SLC35F4: variants seen among roughly 807,000 people sequenced by gnomAD.
SLC35F4 encodes the protein solute carrier family 35 member F4, also known as chromosome 14 open reading frame 36.
Under a neutral mutation model 44.2 loss-of-function variants are expected in SLC35F4, and 24 were observed. The ratio of observed to expected loss-of-function variants is 0.54; its 90% CI spans 0.39 to 0.76. The LOEUF (loss-of-function observed/expected upper bound fraction) is 0.76. SLC35F4 is among the 30% of genes least tolerant of loss of function. The pLI is 0.00. For missense variants in SLC35F4, 562 were observed against 586.1 expected (o/e 0.96, Z 0.42); for synonymous variants, 238 against 223.6 (o/e 1.06, Z -0.57).
intron 1 of SLC35F4, among the ~76,000 whole-genome samples, chr14:57,790,810 G>A (rs900504212): frequency 5.3e-5 from 8 of 152,108 alleles, no homozygotes; most frequent in African/African-American, 1.4e-4. Context: ...GAACAGAACA[G>A]AGGCCTCAGA....
intron 1 of SLC35F4, among the ~76,000 whole-genome samples, chr14:57,665,222 T>C (rs1488904621): frequency 1.3e-5 from 2 of 151,920 alleles, no homozygotes; most frequent in Admixed American, 6.6e-5. Flanking sequence ...AAAAATATTA[T>C]ATTTCTTAAC....
chr14:57,778,188 C>A (rs1347002696), intron 1 of SLC35F4, among the ~76,000 whole-genome samples: 1 of 152,190 alleles, frequency 6.6e-6, no homozygotes, highest in African/African-American at 2.4e-5. Context: ...TGACTTGCTC[C>A]TCCTTGCCTT....
chr14:57,568,124 CT>C (rs973388889), intron 6 of SLC35F4, among the ~76,000 whole-genome samples: 10 of 152,246 alleles, frequency 6.6e-5, no homozygotes, highest in African/African-American at 2.4e-5. Flanking sequence ...CACAGCACAA[CT>C]TTGGCACAGT....
At chr14:57,676,331 C>T (rs113620060) in intron 1 of SLC35F4, among the ~76,000 whole-genome samples, 22,623 of 152,016 alleles carry the variant, frequency 0.15, 1,884 homozygotes, top group East Asian at 0.27. Flanking sequence ...AACACAGGAA[C>T]GGAAAACCAA....
intron 3 of SLC35F4, among the ~76,000 whole-genome samples, chr14:57,587,406 A>C (rs778205617): frequency 3.9e-5 from 6 of 152,258 alleles, no homozygotes; most frequent in Non-Finnish European, 7.3e-5. Flanking sequence ...GGATGAAGAA[A>C]ATGTGGCACA....
chr14:57,622,636 AG>A (rs2072248262), intron 1 of SLC35F4, among the ~76,000 whole-genome samples: 1 of 151,894 alleles, frequency 6.6e-6, no homozygotes, highest in Admixed American at 6.6e-5. Context: ...ACATGGACAC[AG>A]GAAGGGGAAC....
intron 4 of SLC35F4, among the ~76,000 whole-genome samples, chr14:57,580,055 T>C (rs910734591): frequency 6.6e-6 from 1 of 152,180 alleles, no homozygotes; most frequent in African/African-American, 2.4e-5. Context: ...GTAAAGAATG[T>C]AGTGTCACAT....
intron 1 of SLC35F4, among the ~76,000 whole-genome samples, chr14:57,941,080 TG>T (rs1458691470): frequency 6.6e-6 from 1 of 152,182 alleles, no homozygotes; most frequent in East Asian, 1.9e-4. Flanking sequence ...TTGGAACCCT[TG>T]TACATTACTG....
intron 1 of SLC35F4, among the ~76,000 whole-genome samples, chr14:57,878,842 G>A (rs776095277): frequency 2.0e-5 from 3 of 152,020 alleles, no homozygotes; most frequent in Non-Finnish European, 4.4e-5. Flanking sequence ...ATTAATACTG[G>A]TTATCAAAGA....
At chr14:57,954,115 T>A (rs1393896756) in intron 1 of SLC35F4, among the ~76,000 whole-genome samples, 1 of 152,146 alleles carries the variant, frequency 6.6e-6, no homozygotes, top group Non-Finnish European at 1.5e-5. Flanking sequence ...AACTCAGGAT[T>A]AGGAAACTCA....
rs189176700 is a variant in SLC35F4, at chr14:57,714,868, G to A, written c.104-120744C>T. Among the ~76,000 whole-genome samples the A allele has an allele frequency of 2.2e-3, 337 of 152,268 alleles. 3 individuals are homozygous for A. The highest frequency in any genetic ancestry group is 3.7e-3 in the Non-Finnish European group (250 of 68,020). On this transcript the variant is annotated intron_variant, in intron 1 of 7. Coordinates refer to ENST00000556826, the MANE Select transcript of SLC35F4 (RefSeq NM_001306087.2). ...GACAGACACTTATTTTGGACTTAAC[G>A]GACCAAGAATAGCCTTGTTGGAAGT... is the stretch of plus-strand genomic sequence containing the variant.
intron 1 of SLC35F4, among the ~76,000 whole-genome samples, chr14:57,639,824 G>T (rs1389147539): frequency 2.0e-5 from 3 of 151,850 alleles, no homozygotes; most frequent in African/African-American, 7.3e-5. Flanking sequence ...TTAGGAAGTT[G>T]GGCCTTACTG....
intron 1 of SLC35F4, among the ~76,000 whole-genome samples, chr14:57,918,545 T>G (rs1188074820): frequency 6.6e-6 from 1 of 152,098 alleles, no homozygotes; most frequent in Non-Finnish European, 1.5e-5. Context: ...GACCAGAAAT[T>G]TGAAGTTGAC....
At chr14:57,892,777 G>A (rs945030566) in intron 1 of SLC35F4, among the ~76,000 whole-genome samples, 1 of 152,032 alleles carries the variant, frequency 6.6e-6, no homozygotes, top group African/African-American at 2.4e-5. Flanking sequence ...ATCCAGTGAA[G>A]ACCATGCATA....
intron 1 of SLC35F4, among the ~76,000 whole-genome samples, chr14:57,612,584 T>C (rs971633841): frequency 1.3e-5 from 2 of 152,242 alleles, no homozygotes; most frequent in African/African-American, 2.4e-5. Context: ...AGCTTCTTAA[T>C]AGTCAGGGCT....
At chr14:57,774,162 C>T (rs1460414145) in intron 1 of SLC35F4, among the ~76,000 whole-genome samples, 1 of 152,066 alleles carries the variant, frequency 6.6e-6, no homozygotes, top group Non-Finnish European at 1.5e-5. Flanking sequence ...AGAGGGAAGG[C>T]ACTGAGAGTG....
intron 1 of SLC35F4, among the ~76,000 whole-genome samples, chr14:57,628,289 G>C (rs923752723): frequency 6.9e-6 from 1 of 144,492 alleles, no homozygotes; most frequent in Non-Finnish European, 1.5e-5. Context: ...CTCAAGAAAA[G>C]TATTGTTATG....
chr14:57,823,867 G>C (rs908940340), intron 1 of SLC35F4, among the ~76,000 whole-genome samples: 1 of 151,632 alleles, frequency 6.6e-6, no homozygotes, highest in Non-Finnish European at 1.5e-5. Flanking sequence ...ACAAAATAAG[G>C]CACCCATAAT....
intron 1 of SLC35F4, among the ~76,000 whole-genome samples, chr14:57,888,802 G>T (rs1039670454): frequency 4.6e-5 from 7 of 152,088 alleles, no homozygotes; most frequent in Non-Finnish European, 2.9e-5. Context: ...GCCAGTTGTG[G>T]CTCTAAACAT....
Sources: gnomAD v4.1 joint callset for allele counts (sites outside exome capture counted in the v4.1 genomes callset) on GRCh38, gnomAD v4.1.1 for gene constraint, MANE v1.5 for transcripts, NCBI Gene and HGNC (gene_info 2026-07-23, HGNC 2026-07-21) for gene names.